DYNC2I1: variants seen among roughly 807,000 people sequenced by gnomAD.
The protein encoded by DYNC2I1 is cytoplasmic dynein 2 intermediate chain 1.
DYNC2I1 carries 89 observed loss-of-function variants against 133.4 expected under a neutral mutation model. That is an observed-to-expected ratio of 0.67 (90% confidence interval 0.56 to 0.80). The LOEUF (loss-of-function observed/expected upper bound fraction) is 0.80, where lower values mean the gene tolerates loss of function less well. Ranked by LOEUF, DYNC2I1 falls within the 30% of genes least tolerant of loss-of-function variation. DYNC2I1 has a pLI of 0.00. For synonymous variants in DYNC2I1, 504 were observed against 484.3 expected (o/e 1.04, Z -0.54); for missense variants, 1,291 against 1,314.5 (o/e 0.98, Z 0.28).
intron 17 of DYNC2I1, among the ~76,000 whole-genome samples, chr7:158,924,678 T>A (rs1849438194): frequency 1.3e-5 from 2 of 152,220 alleles, no homozygotes; most frequent in Admixed American, 6.5e-5. Flanking sequence ...TACTAAAAAA[T>A]TTTTGAATTC....
At chr7:158,879,638 C>CA in intron 4 of DYNC2I1, 46 bp from the exon 5 acceptor site, 1 of 1,516,790 alleles carries the variant, frequency 6.6e-7, no homozygotes, top group Non-Finnish European at 8.8e-7. Context: ...TGGCTGCACT[C>CA]CTATTTGATG....
At chr7:158,899,326 G>T (rs1846022780) in intron 8 of DYNC2I1, among the ~76,000 whole-genome samples, 1 of 152,138 alleles carries the variant, frequency 6.6e-6, no homozygotes, top group Non-Finnish European at 1.5e-5. Flanking sequence ...ATGCATATGT[G>T]TACACAAACA....
intron 14 of DYNC2I1, among the ~76,000 whole-genome samples, chr7:158,918,218 T>A (rs1373769870): frequency 1.3e-5 from 2 of 152,208 alleles, no homozygotes; most frequent in Non-Finnish European, 2.9e-5. Context: ...CATTCAACAC[T>A]CTCTGCCTTC....
At chr7:158,902,709 A>G in intron 10 of DYNC2I1, 114 bp downstream of exon 10, 1 of 921,824 alleles carries the variant, frequency 1.1e-6, no homozygotes, top group Non-Finnish European at 1.7e-6. Context: ...GAGCAGTAAC[A>G]TCTTCCACAT....
At chr7:158,948,992 A>G (rs1585274353), downstream of DYNC2I1, among the ~76,000 whole-genome samples, 1 of 152,148 alleles carries the variant, frequency 6.6e-6, no homozygotes, top group East Asian at 1.9e-4. Context: ...ACTGACTCCT[A>G]ATGAACAGAT....
chr7:158,928,130 A>G (rs181258248), intron 20 of DYNC2I1, among the ~76,000 whole-genome samples: 1 of 152,282 alleles, frequency 6.6e-6, no homozygotes, highest in African/African-American at 2.4e-5. Flanking sequence ...AGCAGAAGTG[A>G]CTTGAAGCAA....
intron 24 of DYNC2I1, 76 bp downstream of exon 24, chr7:158,942,224 C>A: frequency 8.3e-7 from 1 of 1,210,812 alleles, no homozygotes; most frequent in Non-Finnish European, 1.1e-6. Context: ...GGTCTTTCTT[C>A]ATTAATTTTT....
intron 21 of DYNC2I1, 82 bp from the exon 22 acceptor site, chr7:158,934,047 A>T: frequency 1.1e-6 from 1 of 914,854 alleles, no homozygotes. Context: ...GATGTATTGT[A>T]GTGCAAATCA....
chr7:158,917,169 C>T (rs1215304647), intron 14 of DYNC2I1, among the ~76,000 whole-genome samples: 1 of 116,592 alleles, frequency 8.6e-6, no homozygotes, highest in African/African-American at 3.5e-5. Flanking sequence ...AATGTTGACA[C>T]GTGGTTGACA....
At chr7:158,874,188 C>T (rs1843136424) in intron 3 of DYNC2I1, among the ~76,000 whole-genome samples, 1 of 151,758 alleles carries the variant, frequency 6.6e-6, no homozygotes, top group Non-Finnish European at 1.5e-5. Flanking sequence ...TAAGTAGGAG[C>T]TACTGCACTT....
intron 11 of DYNC2I1, among the ~76,000 whole-genome samples, chr7:158,906,461 T>C: frequency 6.6e-6 from 1 of 151,850 alleles, no homozygotes; most frequent in Non-Finnish European, 1.5e-5. Context: ...AATATTTTTA[T>C]TTATTTATTT....
At chr7:158,853,083 C>T (rs1030534162), upstream of DYNC2I1, among the ~76,000 whole-genome samples, 6 of 152,148 alleles carry the variant, frequency 3.9e-5, no homozygotes, top group African/African-American at 9.7e-5. Context: ...TAGGGTGTCC[C>T]GCTGAGAGAC....
intron 8 of DYNC2I1, among the ~76,000 whole-genome samples, chr7:158,900,100 G>T (rs1025365085): frequency 1.3e-5 from 2 of 151,364 alleles, no homozygotes; most frequent in Non-Finnish European, 2.9e-5. Context: ...TGGTATCTGA[G>T]AAACTGAATG....
chr7:158,918,519 C>T (rs920389997), intron 14 of DYNC2I1, among the ~76,000 whole-genome samples: 5 of 152,172 alleles, frequency 3.3e-5, no homozygotes, highest in Non-Finnish European at 7.3e-5. Context: ...AAACAACATT[C>T]AGGGCAAATG....
the DYNC2I1 span, among the ~76,000 whole-genome samples, chr7:158,842,742 A>G: frequency 6.6e-6 from 1 of 152,202 alleles, no homozygotes. Context: ...TCTGCTCTTA[A>G]TTTCTGTAAG....
At chr7:158,949,882 C>T (rs2129490244), downstream of DYNC2I1, among the ~76,000 whole-genome samples, 1 of 151,856 alleles carries the variant, frequency 6.6e-6, no homozygotes, top group African/African-American at 2.4e-5. Flanking sequence ...AGCGATTCTT[C>T]TGCCTCAGCC....
chr7:158,933,198 ATC>A (rs1426468860), intron 21 of DYNC2I1, among the ~76,000 whole-genome samples: 1 of 152,232 alleles, frequency 6.6e-6, no homozygotes, highest in Admixed American at 6.5e-5. Context: ...AACTGTGGGC[ATC>A]TCTCTGTTAC....
Position 158,934,442 on chromosome 7 carries a change from C to T in DYNC2I1, c.2671C>T (p.Gln891Ter). The T allele has an allele frequency of 6.2e-7, 1 of 1,601,404 alleles. No homozygotes were observed. The highest frequency in any genetic ancestry group is 1.3e-5 in the African/African-American group (1 of 74,894). ...GGGTCTCATAAGCCATGGCACAAGACAAGATTTGAGAGTGGCTCCCAAACT... is the reference window on the plus strand; with the variant it reads ...GGGTCTCATAAGCCATGGCACAAGATAAGATTTGAGAGTGGCTCCCAAACT... Reference protein sequence around the residue: ...DMGLISHGTRQDLRVAPKLFK... With the variant: ...DMGLISHGTR Residue 891 changes from glutamine to a stop codon, truncating the protein, a stop_gained, in exon 23 of 25, where the codon CAA (glutamine) becomes TAA (stop). Transcript: ENST00000407559. LOFTEE classifies it high-confidence loss of function.
At chr7:158,906,870 TAATAA>T (rs754146216) in intron 11 of DYNC2I1, among the ~76,000 whole-genome samples, 58 of 152,264 alleles carry the variant, frequency 3.8e-4, no homozygotes, top group Middle Eastern at 3.4e-3. Flanking sequence ...AATCAATCAT[TAATAA>T]TAAAAGTGGT....
Sources: allele counts gnomAD v4.1 joint callset (sites outside exome capture counted in the v4.1 genomes callset), GRCh38; gene constraint gnomAD v4.1.1; transcripts MANE v1.5; gene names NCBI Gene and HGNC (gene_info 2026-07-23, HGNC 2026-07-21).